TTC3: variants seen among roughly 807,000 people sequenced by gnomAD.
The protein encoded by TTC3 is E3 ubiquitin-protein ligase TTC3.
In TTC3, 180 loss-of-function variants were observed where a neutral mutation model predicts 249.6. That is an observed-to-expected ratio of 0.72 (90% CI 0.64 to 0.82). The LOEUF is 0.82. Among genes scored for constraint, TTC3 ranks in the 40% least tolerant of loss-of-function variants. TTC3 has a pLI of 0.00. For missense variants in TTC3, 2,061 were observed against 2,398.4 expected (o/e 0.86, Z 2.94); for synonymous variants, 717 against 805.0 (o/e 0.89, Z 1.85).
intron 5 of TTC3, among the ~76,000 whole-genome samples, chr21:37,089,840 C>G (rs945817500): frequency 6.6e-6 from 1 of 151,902 alleles, no homozygotes; most frequent in Non-Finnish European, 1.5e-5. Context: ...AAAAATTAGC[C>G]GGGTGGTAGT....
chr21:37,086,098 T>C (rs1240033815), intron 1 of TTC3: 1 of 152,258 alleles, frequency 6.6e-6, no homozygotes, highest in Non-Finnish European at 1.5e-5. Context: ...AATAGTTTGC[T>C]AGGAAGATTG....
chr21:37,123,051 G>T, intron 13 of TTC3, 23 bp downstream of exon 13: 1 of 1,605,734 alleles, frequency 6.2e-7, no homozygotes, highest in Non-Finnish European at 8.5e-7. Context: ...CAGGTCAGTA[G>T]CTGCTACTAC....
intron 19 of TTC3, 135 bp from the exon 20 acceptor site, chr21:37,140,426 G>A (rs979872097): frequency 1.1e-5 from 6 of 556,950 alleles, no homozygotes; most frequent in Non-Finnish European, 1.8e-5. Flanking sequence ...AAACACAGAG[G>A]TATAATTTTG....
At chr21:37,182,955 A>C (rs1412629226) in intron 36 of TTC3, 42 bp downstream of exon 36, 2 of 1,450,670 alleles carry the variant, frequency 1.4e-6, no homozygotes, top group Non-Finnish European at 1.8e-6. Flanking sequence ...TTTAAAAAAA[A>C]ATATTGTGGC....
chr21:37,114,097 C>G (rs540006597), intron 11 of TTC3, among the ~76,000 whole-genome samples: 1 of 152,090 alleles, frequency 6.6e-6, no homozygotes, highest in Non-Finnish European at 1.5e-5. Flanking sequence ...AGAAGAAAAC[C>G]TAGGCAATAC....
chr21:37,090,155 G>T (rs2073061283), intron 5 of TTC3, 78 bp from the exon 6 acceptor site: 3 of 1,086,946 alleles, frequency 2.8e-6, no homozygotes, highest in Non-Finnish European at 4.1e-6. Flanking sequence ...TTCCTAAAAT[G>T]TAGGCCATTT....
intron 11 of TTC3, chr21:37,121,108 TA>T (rs2076540980): frequency 6.6e-6 from 1 of 152,196 alleles, no homozygotes; most frequent in Non-Finnish European, 1.5e-5. Flanking sequence ...CTTTGTAGAT[TA>T]AAAAGTTTAT....
chr21:37,159,746 G>C lies in TTC3; in HGVS notation c.3039+1G>C, dbSNP rs754966131. On this transcript the variant is annotated splice_donor_variant, in intron 29 of 45. Transcript: ENST00000355666. LOFTEE classifies it high-confidence loss of function. The stretch of plus-strand genomic sequence containing the variant: ...GAAACAAGATAGTGGTGAAGCACCG[G>C]TAAGTTACTTGGATCACTTGAATCT... The C allele has an allele frequency of 1.3e-6, 2 of 1,592,154 alleles. No homozygotes were observed. The highest frequency in any genetic ancestry group is 3.0e-5 in the African/African-American group (2 of 67,638).
At chr21:37,187,139 T>C in exon 38 of TTC3, 1 of 1,578,766 alleles carries the variant, frequency 6.3e-7, no homozygotes, top group Non-Finnish European at 8.6e-7. Flanking sequence ...GAGCTGTGGC[T>C]GCAGAGGTGA....
chr21:37,191,592 T>G (rs1008712009), intron 40 of TTC3, among the ~76,000 whole-genome samples, 168 bp downstream of exon 40: 4 of 152,236 alleles, frequency 2.6e-5, no homozygotes, highest in Non-Finnish European at 2.9e-5. Flanking sequence ...TGTTTTGTTT[T>G]TTTGAGTTGG....
chr21:37,194,019 G>T (rs2148222295), intron 41 of TTC3: 1 of 152,322 alleles, frequency 6.6e-6, no homozygotes, highest in South Asian at 2.1e-4. Flanking sequence ...TGCTCCTGGA[G>T]CCTAGAGAGA....
At chr21:37,174,088 T>C (rs1473208900) in intron 35 of TTC3, among the ~76,000 whole-genome samples, 1 of 152,176 alleles carries the variant, frequency 6.6e-6, no homozygotes, top group Non-Finnish European at 1.5e-5. Context: ...TATCTTTCTT[T>C]CTGGCCGAGG....
chr21:37,187,560 A>G (rs1016141239), intron 38 of TTC3: 3 of 139,466 alleles, frequency 2.2e-5, no homozygotes, highest in African/African-American at 5.1e-5. Flanking sequence ...TGCCCCTAGA[A>G]GAATATATAG....
At chr21:37,138,108 G>T (rs1329858900) in intron 18 of TTC3, among the ~76,000 whole-genome samples, 1 of 152,184 alleles carries the variant, frequency 6.6e-6, no homozygotes, top group African/African-American at 2.4e-5. Context: ...TAGCAATAAA[G>T]TCTTAAATTA....
In TTC3 at chr21:37,167,644, G is replaced by C. The variant is rs1049028114; in HGVS notation, c.4467+24G>C. On this transcript the variant is annotated intron_variant, in intron 34 of 45. Coordinates refer to ENST00000355666, the Ensembl canonical transcript of TTC3. The stretch of plus-strand genomic sequence containing the variant: ...AAGTGAGTCAAAATTACATTAAACT[G>C]TTTAAAGGTTTAGTTTTCATTAATT... The C allele has an allele frequency of 2.5e-6, 4 of 1,574,140 alleles. No individual in the cohort carries two copies. In the African/African-American group the frequency reaches 4.1e-5, roughly 16 times the overall value.
At chr21:37,124,243 G>T (rs1244189551) in intron 13 of TTC3, among the ~76,000 whole-genome samples, 1 of 143,202 alleles carries the variant, frequency 7.0e-6, no homozygotes, top group South Asian at 2.3e-4. Context: ...AGCCTCCCCA[G>T]TCGCTGGGAT....
chr21:37,088,927 A>T (rs771811743), intron 5 of TTC3, 41 bp downstream of exon 5: 39 of 1,557,296 alleles, frequency 2.5e-5, no homozygotes, highest in Middle Eastern at 3.4e-4. Flanking sequence ...CCTTGGTTTA[A>T]ATAATATAAG....
rs141734118 is a variant in TTC3, at chr21:37,195,781, G to C, written c.5324G>C (p.Ser1775Thr). ...CACGCAGCACTTCACAGGGATCCTA[G>C]TGTGTTCTCTGCTGGTGATTCCCCA... The change falls in exon 42 of 46, where the codon AGT becomes ACT. Residue 1775 changes from serine (S) to threonine (T), a missense_variant. Physicochemically the swap from Ser to Thr is moderately conservative, Grantham distance 58 (BLOSUM62 1). This residue lies in a region of TTC3 where 1,040 missense variants were observed against 1,186.1 expected (regional missense o/e 0.88). Transcript: ENST00000355666. 1.4e-4 allele frequency: 232 copies of C among 1,614,196 alleles called. No individual in the cohort carries two copies. In the African/African-American group the frequency reaches 2.5e-3, roughly 17 times the overall value.
intron 17 of TTC3, among the ~76,000 whole-genome samples, chr21:37,134,374 C>A (rs992627798): frequency 6.6e-6 from 1 of 151,922 alleles, no homozygotes; most frequent in Non-Finnish European, 1.5e-5. Flanking sequence ...TCGCTTGAAC[C>A]CCGAGGTGGA....
Sources: allele counts gnomAD v4.1 joint callset (sites outside exome capture counted in the v4.1 genomes callset), GRCh38; gene constraint gnomAD v4.1.1; regional missense constraint gnomAD v4.1.1; transcripts MANE v1.5; gene names NCBI Gene and HGNC (gene_info 2026-07-23, HGNC 2026-07-21).